Variants in MIOS observed in about 807,000 individuals in gnomAD.
The protein encoded by MIOS is meiosis regulator for oocyte development.
MIOS carries 52 observed loss-of-function variants against 96.9 expected under a neutral mutation model. That is an observed-to-expected ratio of 0.54 (90% CI 0.43 to 0.68). The LOEUF (loss-of-function observed/expected upper bound fraction) is 0.68. MIOS is among the 30% of genes least tolerant of loss of function. The pLI is 0.00. For synonymous variants in MIOS, 397 were observed against 359.5 expected (o/e 1.10, Z -1.18); for missense variants, 1,005 against 1,052.8 (o/e 0.95, Z 0.63).
At chr7:7,599,110 A>C (rs147346205) in intron 11 of MIOS, among the ~76,000 whole-genome samples, 11 of 152,270 alleles carry the variant, frequency 7.2e-5, no homozygotes, top group African/African-American at 2.6e-4. Flanking sequence ...CTGGTCTACA[A>C]TGCCTTATCT....
At chr7:7,584,944 G>A (rs143503597) in intron 6 of MIOS, among the ~76,000 whole-genome samples, 1 of 152,170 alleles carries the variant, frequency 6.6e-6, no homozygotes, top group African/African-American at 2.4e-5. Flanking sequence ...GCAGTTCTGT[G>A]GTAATTCTTG....
At chr7:7,583,409 A>C in intron 6 of MIOS, 37 bp downstream of exon 6, 1 of 1,513,628 alleles carries the variant, frequency 6.6e-7, no homozygotes, top group Non-Finnish European at 8.9e-7. Context: ...GTTATAATCT[A>C]AGATGTTAGC....
At chr7:7,576,982 T>C (rs2115372406) in intron 5 of MIOS, among the ~76,000 whole-genome samples, 1 of 152,282 alleles carries the variant, frequency 6.6e-6, no homozygotes, top group East Asian at 1.9e-4. Context: ...TTTGGGTTTA[T>C]TTTGGAGCAA....
At chr7:7,603,667 A>G (rs1408419805) in intron 11 of MIOS, among the ~76,000 whole-genome samples, 1 of 152,188 alleles carries the variant, frequency 6.6e-6, no homozygotes, top group Non-Finnish European at 1.5e-5. Flanking sequence ...TTCCTCAGGG[A>G]TCTAGAACTA....
At chr7:7,578,529 C>G (rs1180680573) in intron 5 of MIOS, among the ~76,000 whole-genome samples, 1 of 151,998 alleles carries the variant, frequency 6.6e-6, no homozygotes, top group Non-Finnish European at 1.5e-5. Flanking sequence ...AAGGTAAAAT[C>G]TAATCTAGAG....
chr7:7,595,261 T>TTGTCCTTGATCTTCC, intron 10 of MIOS, 129 bp downstream of exon 10: 1 of 993,534 alleles, frequency 1.0e-6, no homozygotes, highest in Non-Finnish European at 1.4e-6. Flanking sequence ...AGACTGAACT[T>TTGTCCTTGATCTTCC]TGTCCTTGAT....
rs949638323 is a variant in MIOS at position 7,607,990 on chromosome 7, C to G, written c.*898C>G. The G allele has an allele frequency of 6.6e-6, 1 of 152,080 alleles. No homozygotes were observed. 9.4% of individuals were successfully genotyped at this position (152,080 alleles called of 1,614,324 possible). ...TATGTAACTAGCCATTTAGTATAAT[C>G]TATGTCAGTGTTTCTGTGCTGTCAA... On this transcript the variant is annotated 3_prime_UTR_variant, in exon 13 of 13. Coordinates refer to ENST00000340080, the MANE Select transcript of MIOS (RefSeq NM_019005.4).
rs917169130 is a variant in MIOS at position 7,587,261 on chromosome 7, C to T, written c.1819-1237C>T. ...TCTCGAACTCCTGATCTTGAATGAT[C>T]CACCTGACTTGGCCTCCCAAAGTGC... On this transcript the variant is annotated intron_variant, in intron 7 of 12. Coordinates refer to ENST00000340080, the MANE Select transcript of MIOS (RefSeq NM_019005.4). Among the ~76,000 whole-genome samples, 3 of 152,022 alleles carry T rather than the reference C, an allele frequency of 2.0e-5. No homozygotes were observed. In the East Asian group the frequency reaches 5.8e-4, roughly 29 times the overall value.
Position 7,607,315 on chromosome 7 carries a change from C to G in MIOS, c.*223C>G. ...TCGAAGTATAGACATGAGTTCTGTT[C>G]AGCAGGTTGAAAAGTCTGATTTAGA... On this transcript the variant is annotated 3_prime_UTR_variant, in exon 13 of 13. Coordinates refer to ENST00000340080, the MANE Select transcript of MIOS (RefSeq NM_019005.4). 2 of 369,092 alleles carry G rather than the reference C, an allele frequency of 5.4e-6. No individual in the cohort carries two copies. Among genetic ancestry groups the G allele is most frequent in the Non-Finnish European group, 4.8e-6 (1 of 207,680 alleles). The allele number at this position is 369,092 out of a possible 1,614,324, so 22.9% of individuals were successfully genotyped here. A position where few individuals can be genotyped will look rare whatever the true frequency, so the allele number is the denominator to read the frequency against.
intron 6 of MIOS, 107 bp downstream of exon 6, chr7:7,583,479 AATTTT>A (rs1783794620): frequency 8.1e-7 from 1 of 1,231,166 alleles, no homozygotes; most frequent in South Asian, 1.9e-5. Flanking sequence ...AATCACTTAA[AATTTT>A]AATTTAATTT....
At chr7:7,590,075 C>G (rs1221525815) in intron 9 of MIOS, among the ~76,000 whole-genome samples, 1 of 152,136 alleles carries the variant, frequency 6.6e-6, no homozygotes, top group South Asian at 2.1e-4. Flanking sequence ...GTCTACTTTA[C>G]TTTTGCTGGA....
intron 11 of MIOS, among the ~76,000 whole-genome samples, chr7:7,603,449 A>T (rs1784436458): frequency 6.6e-6 from 1 of 152,148 alleles, no homozygotes; most frequent in Non-Finnish European, 1.5e-5. Flanking sequence ...CAGCCAAAAA[A>T]CACGTGAAAA....
At chr7:7,571,032 T>TGTATC (rs1297499125) in intron 3 of MIOS, among the ~76,000 whole-genome samples, 1 of 152,242 alleles carries the variant, frequency 6.6e-6, no homozygotes, top group African/African-American at 2.4e-5. Context: ...AACTATTTAG[T>TGTATC]GTATCCTTAT....
intron 3 of MIOS, among the ~76,000 whole-genome samples, chr7:7,569,178 C>G (rs996377410): frequency 2.0e-5 from 3 of 152,084 alleles, no homozygotes; most frequent in Admixed American, 6.5e-5. Context: ...GAGTATGAAC[C>G]CTTATTTGGC....
Position 7,586,071 on chromosome 7 carries a change from C to T in MIOS, c.1818+266C>T, listed in dbSNP as rs1016291485. On this transcript the variant is annotated intron_variant, in intron 7 of 12. Transcript: ENST00000340080. ...ATATAGAAGGAATAAAGATTTTATCCTTTAGCTTAAGAACTGAGCTGTAGA... is the reference window on the plus strand; with the variant it reads ...ATATAGAAGGAATAAAGATTTTATCTTTTAGCTTAAGAACTGAGCTGTAGA... Among the ~76,000 whole-genome samples the T allele has an allele frequency of 2.0e-5, 3 of 151,484 alleles. No homozygotes were observed. In the South Asian group the frequency reaches 6.2e-4, roughly 32 times the overall value.
intron 6 of MIOS, among the ~76,000 whole-genome samples, chr7:7,584,167 C>G (rs577905217): frequency 6.0e-4 from 92 of 152,142 alleles, no homozygotes; most frequent in Non-Finnish European, 1.1e-3. Context: ...ACATGAAATT[C>G]ACTGTAATTT....
chr7:7,591,212 C>G (rs981068064), intron 9 of MIOS, among the ~76,000 whole-genome samples: 1 of 151,754 alleles, frequency 6.6e-6, no homozygotes, highest in Non-Finnish European at 1.5e-5. Flanking sequence ...TGTAGTTTCA[C>G]TGTCTTCTGG....
At chr7:7,594,828 A>C (rs1037450798) in intron 9 of MIOS, 152 bp from the exon 10 acceptor site, 2 of 445,368 alleles carry the variant, frequency 4.5e-6, no homozygotes, top group Non-Finnish European at 7.3e-6. Flanking sequence ...GCTTCCATAA[A>C]TTTTCTTTAT....
chr7:7,594,682 T>G (rs1380421888), intron 9 of MIOS, among the ~76,000 whole-genome samples: 4 of 152,216 alleles, frequency 2.6e-5, no homozygotes, highest in African/African-American at 9.7e-5. Context: ...TATCACTGTT[T>G]ACAACATTCA....
Sources: gnomAD v4.1 joint callset for allele counts (sites outside exome capture counted in the v4.1 genomes callset) on GRCh38, gnomAD v4.1.1 for gene constraint, MANE v1.5 for transcripts, NCBI Gene and HGNC (gene_info 2026-07-23, HGNC 2026-07-21) for gene names.